Variants in RAPGEF2 observed in about 807,000 individuals in gnomAD.
RAPGEF2 encodes PDZ domain containing guanine nucleotide exchange factor (GEF) 1.
RAPGEF2 carries 54 observed loss-of-function variants against 186.7 expected under a neutral mutation model. The ratio of observed to expected loss-of-function variants is 0.29; its 90% CI spans 0.23 to 0.36. The LOEUF is 0.36. Ranked by LOEUF, RAPGEF2 falls within the 10% of genes least tolerant of loss-of-function variation. RAPGEF2 has a pLI of 1.00. For synonymous variants in RAPGEF2, 712 were observed against 705.9 expected (o/e 1.01, Z -0.14); for missense variants, 1,532 against 2,045.0 (o/e 0.75, Z 4.84).
intron 7 of RAPGEF2, among the ~76,000 whole-genome samples, chr4:159,280,898 A>G (rs1759601432): frequency 6.6e-6 from 1 of 152,164 alleles, no homozygotes; most frequent in Non-Finnish European, 1.5e-5. Context: ...AAAACAATAA[A>G]GTACTTTATT....
intron 7 of RAPGEF2, among the ~76,000 whole-genome samples, chr4:159,253,701 G>A (rs1032033147): frequency 2.0e-5 from 3 of 152,026 alleles, no homozygotes; most frequent in African/African-American, 7.2e-5. Flanking sequence ...AGGCGCGGTG[G>A]CTCATGCCTG....
intron 7 of RAPGEF2, among the ~76,000 whole-genome samples, chr4:159,295,708 A>AGTGTGT (rs1761858522): frequency 7.4e-6 from 1 of 135,028 alleles, no homozygotes; most frequent in African/African-American, 2.9e-5. Flanking sequence ...CATAAGAGAG[A>AGTGTGT]GAGAGTGTGT....
At chr4:159,316,813 A>T (rs892662482) in intron 9 of RAPGEF2, among the ~76,000 whole-genome samples, 1 of 152,194 alleles carries the variant, frequency 6.6e-6, no homozygotes, top group Non-Finnish European at 1.5e-5. Context: ...AAGTAGCTTT[A>T]TATCCACCTT....
chr4:159,292,449 A>G (rs890518786), intron 7 of RAPGEF2, among the ~76,000 whole-genome samples: 2 of 152,112 alleles, frequency 1.3e-5, no homozygotes, highest in South Asian at 2.1e-4. Context: ...TGGATACTTA[A>G]TTAATTTTTA....
At chr4:159,294,637 T>TCCTTCCTTCCTC (rs1282457341) in intron 7 of RAPGEF2, among the ~76,000 whole-genome samples, 1 of 65,196 alleles carries the variant, frequency 1.5e-5, no homozygotes, top group Non-Finnish European at 3.3e-5. Context: ...TTCCATTTCT[T>TCCTTCCTTCCTC]CCTTCCTTCC....
At position 159,353,238 on chromosome 4, in the gene RAPGEF2, G is replaced by A. The variant is rs989946025; in HGVS notation, c.4092-249G>A. On this transcript the variant is annotated intron_variant, in intron 27 of 29. Transcript: ENST00000691494. This position sits in a 1 kb window ranked among gnomAD's most constrained non-coding sequence, Gnocchi z 4.3. ...ATATTGAGCCACCCTTAATGTTGTC[G>A]GGGAATTTTTTTTTTTTTAATGGCA... Among the ~76,000 whole-genome samples the A allele has an allele frequency of 3.6e-4, 36 of 100,212 alleles. No individual in the cohort carries two copies. The highest frequency in any genetic ancestry group is 1.4e-3 in the African/African-American group (28 of 19,946). 65.7% of individuals were successfully genotyped at this position (100,212 alleles called of 152,430 possible).
At position 159,186,727 on chromosome 4, in the gene RAPGEF2, T is replaced by C. The variant is rs1747590876; in HGVS notation, c.140+15T>C. ...CATCAACTTAGGTATGTCATTTTAA[T>C]ATTCAGTTAATCATAGAATGGTAAA... On this transcript the variant is annotated intron_variant, in intron 2 of 29. Transcript: ENST00000691494. 2 of 1,379,256 alleles carry C rather than the reference T, an allele frequency of 1.5e-6. No individual in the cohort carries two copies. The highest frequency in any genetic ancestry group is 2.9e-5 in the African/African-American group (2 of 68,964). 85.4% of individuals were successfully genotyped at this position (1,379,256 alleles called of 1,614,324 possible).
intron 1 of RAPGEF2, among the ~76,000 whole-genome samples, chr4:159,164,660 T>C (rs1363413454): frequency 6.6e-6 from 1 of 152,174 alleles, no homozygotes; most frequent in African/African-American, 2.4e-5. Flanking sequence ...AATACATTCA[T>C]ATAATGTGGG....
chr4:159,162,221 CAA>C (rs35274144), intron 1 of RAPGEF2, among the ~76,000 whole-genome samples: 1,447 of 98,212 alleles, frequency 0.015, 31 homozygotes, highest in African/African-American at 0.05. Context: ...TGTGTTTCTT[CAA>C]AAAAAAAAAA....
chr4:159,195,525 CTTG>C (rs1407383811), intron 3 of RAPGEF2, among the ~76,000 whole-genome samples: 2 of 152,230 alleles, frequency 1.3e-5, no homozygotes, highest in African/African-American at 2.4e-5. Context: ...TTGTGAAGTA[CTTG>C]TTATCATTAT....
At chr4:159,108,747 G>A (rs1342193817) in intron 1 of RAPGEF2, among the ~76,000 whole-genome samples, 1 of 151,946 alleles carries the variant, frequency 6.6e-6, no homozygotes, top group African/African-American at 2.4e-5. Context: ...GTAAGAGAGC[G>A]AGATATATAT....
Position 159,193,183 on chromosome 4 carries a change from T to C in RAPGEF2, c.141-17T>C. 1 of 1,455,134 alleles carries C rather than the reference T, an allele frequency of 6.9e-7. No homozygotes were observed. Among genetic ancestry groups the C allele is most frequent in the Non-Finnish European group, 9.0e-7 (1 of 1,106,866 alleles). The allele number at this position is 1,455,134 out of a possible 1,614,324, so 90.1% of individuals were successfully genotyped here. A position where few individuals can be genotyped will look rare whatever the true frequency, so the allele number is the denominator to read the frequency against. Reference sequence around the variant, plus strand: ...TTAGTGACAGATGTTGAACTCATGTTTTTATCTCTTTTACAGGTTAATGTG... The same window carrying C: ...TTAGTGACAGATGTTGAACTCATGTCTTTATCTCTTTTACAGGTTAATGTG... On this transcript the variant is annotated splice_polypyrimidine_tract_variant and intron_variant, in intron 2 of 29. Transcript: ENST00000691494.
intron 2 of RAPGEF2, among the ~76,000 whole-genome samples, chr4:159,191,957 G>A (rs1748170020): frequency 6.6e-6 from 1 of 152,126 alleles, no homozygotes. Context: ...CAGGAGCACG[G>A]GGTCTTACAC....
At chr4:159,151,196 A>C (rs1227416558) in intron 1 of RAPGEF2, among the ~76,000 whole-genome samples, 1 of 151,306 alleles carries the variant, frequency 6.6e-6, no homozygotes, top group Non-Finnish European at 1.5e-5. Flanking sequence ...TGCAGGTTCA[A>C]CTGTTTAAAG....
At chr4:159,345,375 AT>A in intron 24 of RAPGEF2, 46 bp downstream of exon 24, 2 of 1,582,404 alleles carry the variant, frequency 1.3e-6, no homozygotes, top group Non-Finnish European at 8.7e-7. Context: ...TAGGATGCAG[AT>A]TTGTTTCCTG....
At chr4:159,122,681 ATC>A (rs1211879714) in intron 1 of RAPGEF2, among the ~76,000 whole-genome samples, 1 of 152,208 alleles carries the variant, frequency 6.6e-6, no homozygotes, top group African/African-American at 2.4e-5. Context: ...ATGGTTACTC[ATC>A]TCTCAATGAG....
chr4:159,265,436 G>A (rs547178174), intron 7 of RAPGEF2, among the ~76,000 whole-genome samples: 4 of 152,284 alleles, frequency 2.6e-5, no homozygotes, highest in African/African-American at 9.6e-5. Flanking sequence ...AAGGAAGAAG[G>A]AAAGTTTCAG....
At chr4:159,268,777 A>G (rs1757742737) in intron 7 of RAPGEF2, among the ~76,000 whole-genome samples, 1 of 152,096 alleles carries the variant, frequency 6.6e-6, no homozygotes, top group Non-Finnish European at 1.5e-5. Flanking sequence ...TGAGTCAGCT[A>G]TGTGTTTGTC....
rs1241629383 is a variant in RAPGEF2 at position 159,332,719 on chromosome 4, CTGT to C, written c.2135+23_2135+25del. 2.5e-6 allele frequency: 4 copies of C among 1,607,512 alleles called. No individual in the cohort carries two copies. In the Admixed American group the frequency reaches 6.8e-5, roughly 27 times the overall value. The stretch of plus-strand genomic sequence containing the variant: ...ACAAGTAAGCATCTGCATATGTCTT[CTGT>C]GCATTATTTTATTTTGTTAAAATGA... On this transcript the variant is annotated intron_variant, in intron 17 of 29. Coordinates refer to ENST00000691494, the MANE Select transcript of RAPGEF2 (RefSeq NM_001394067.2).
Sources: allele counts gnomAD v4.1 joint callset (sites outside exome capture counted in the v4.1 genomes callset), GRCh38; gene constraint gnomAD v4.1.1; non-coding constraint Gnocchi (gnomAD v3.1); transcripts MANE v1.5; gene names NCBI Gene and HGNC (gene_info 2026-07-23, HGNC 2026-07-21).